TRPM7: variants seen among roughly 807,000 people sequenced by gnomAD.
TRPM7 encodes LTRPC ion channel family member 7.
Under a neutral mutation model 229.7 loss-of-function variants are expected in TRPM7, and 134 were observed. The observed-to-expected ratio is 0.58, with a 90% CI of 0.51 to 0.67. The LOEUF is 0.67. Among genes scored for constraint, TRPM7 ranks in the 30% least tolerant of loss-of-function variants. TRPM7 has a pLI of 0.00. For missense variants in TRPM7, 1,901 were observed against 2,210.0 expected (o/e 0.86, Z 2.80); for synonymous variants, 699 against 715.2 (o/e 0.98, Z 0.36).
chr15:50,669,529 C>T (rs1027218976), intron 1 of TRPM7, among the ~76,000 whole-genome samples: 10 of 152,084 alleles, frequency 6.6e-5, no homozygotes, highest in Non-Finnish European at 1.2e-4. Flanking sequence ...AAGCCAATTT[C>T]GAAAGCCTAT....
At position 50,632,943 on chromosome 15, in the gene TRPM7, T is replaced by G; in HGVS notation, c.1057A>C (p.Thr353Pro). The change falls in exon 9 of 39, where the codon ACA becomes CCA. Residue 353 changes from threonine (T) to proline (P), a missense_variant. Coordinates refer to ENST00000646667, the MANE Select transcript of TRPM7 (RefSeq NM_017672.6). ...GCTTCATTCTGGCCAAAGTTAAATG[T>G]TTTTTTGATAGTGGAAATAATATCG... ...EPDIISTIKK[T>P]FNFGQNEALH... The G allele has an allele frequency of 1.2e-6, 2 of 1,604,912 alleles. No individual in the cohort carries two copies. The highest frequency in any genetic ancestry group is 1.7e-6 in the Non-Finnish European group (2 of 1,176,496).
rs2060132861 is a variant in TRPM7, at chr15:50,613,792, T to C, written c.1685A>G (p.His562Arg). 2.5e-6 allele frequency: 4 copies of C among 1,613,986 alleles called. No individual in the cohort carries two copies. Among genetic ancestry groups the C allele is most frequent in the Admixed American group, 1.7e-5 (1 of 59,978 alleles). The stretch of plus-strand genomic sequence containing the variant: ...ATCTGCCCTATTGCCAAAAGATTCA[T>C]GACTCTTTCGCAACTGAGGAGTGCT... ...SSSTPQLRKS[H>R]ESFGNRADKK... Residue 562 changes from histidine (H) to arginine (R), a missense_variant, in exon 15 of 39, where the codon CAT becomes CGT. Transcript: ENST00000646667.
At chr15:50,585,391 C>T (rs1244071463) in intron 28 of TRPM7, among the ~76,000 whole-genome samples, 1 of 152,178 alleles carries the variant, frequency 6.6e-6, no homozygotes, top group Non-Finnish European at 1.5e-5. Context: ...CTTTACTGCT[C>T]TGGCTAGAAT....
Position 50,561,492 on chromosome 15 carries a change from C to T in TRPM7, c.*186G>A. ...AAAATTTCTCAGCTGCCAGCTCTAT[C>T]CTATAGGGACTTTCTGACTGATTAA... is the stretch of plus-strand genomic sequence containing the variant. On this transcript the variant is annotated 3_prime_UTR_variant, in exon 39 of 39. Transcript: ENST00000646667. 1.7e-6 allele frequency: 1 copy of T among 587,560 alleles called. No individual in the cohort carries two copies. Among genetic ancestry groups the T allele is most frequent in the Non-Finnish European group, 2.9e-6 (1 of 349,730 alleles). The allele number at this position is 587,560 out of a possible 1,614,324, so 36.4% of individuals were successfully genotyped here.
intron 1 of TRPM7, among the ~76,000 whole-genome samples, chr15:50,670,997 T>C (rs879361980): frequency 3.3e-5 from 5 of 152,158 alleles, no homozygotes; most frequent in Non-Finnish European, 7.3e-5. Context: ...GGGGCTACTA[T>C]ACATTGCGGA....
chr15:50,637,359 G>GA, intron 7 of TRPM7, 63 bp downstream of exon 7: 1 of 1,458,654 alleles, frequency 6.9e-7, no homozygotes, highest in South Asian at 1.3e-5. Flanking sequence ...TACTTTCTTT[G>GA]AATTTGGCTA....
intron 3 of TRPM7, among the ~76,000 whole-genome samples, chr15:50,656,011 A>T (rs1004755893): frequency 2.4e-5 from 1 of 41,582 alleles, no homozygotes; most frequent in Non-Finnish European, 7.5e-5. Flanking sequence ...GAAAAAAACA[A>T]AAAAAAAAAA....
At chr15:50,673,033 G>C (rs2062024567) in intron 1 of TRPM7, among the ~76,000 whole-genome samples, 1 of 150,694 alleles carries the variant, frequency 6.6e-6, no homozygotes, top group Non-Finnish European at 1.5e-5. Context: ...TTACAAATCT[G>C]TTAAATTAAA....
chr15:50,658,781 G>C (rs1322395291), intron 2 of TRPM7, among the ~76,000 whole-genome samples: 1 of 152,150 alleles, frequency 6.6e-6, no homozygotes, highest in Non-Finnish European at 1.5e-5. Flanking sequence ...AATTGTACAA[G>C]GTCGTTGACT....
intron 1 of TRPM7, among the ~76,000 whole-genome samples, chr15:50,681,350 G>A (rs981832814): frequency 6.6e-6 from 1 of 151,768 alleles, no homozygotes; most frequent in Non-Finnish European, 1.5e-5. Flanking sequence ...ATGCAAAAAT[G>A]TGCCTAAAGC....
intron 36 of TRPM7, among the ~76,000 whole-genome samples, chr15:50,570,426 C>G (rs1166815890): frequency 1.3e-5 from 2 of 152,120 alleles, no homozygotes; most frequent in Non-Finnish European, 2.9e-5. Context: ...GTTCCTTATC[C>G]TACAGCACCA....
chr15:50,606,912 T>G (rs2059931998), intron 20 of TRPM7, among the ~76,000 whole-genome samples: 7 of 152,184 alleles, frequency 4.6e-5, no homozygotes, highest in Admixed American at 4.6e-4. Context: ...AGCAAAAATG[T>G]GAATGTTCAG....
chr15:50,587,984 G>A (rs1428824648), intron 27 of TRPM7, among the ~76,000 whole-genome samples: 1 of 151,682 alleles, frequency 6.6e-6, no homozygotes, highest in African/African-American at 2.4e-5. Context: ...TCTTTTTATC[G>A]TGTGTCAGCT....
rs2062370154 is a variant in TRPM7, at chr15:50,686,796, A to C, written c.-263T>G. On this transcript the variant is annotated 5_prime_UTR_variant, in exon 1 of 39. Transcript: ENST00000646667. Reference sequence around the variant, plus strand: ...GCCTCCGCCGGCGACGGGGCTGGGGACGGACCACGTGAGCGGCGCGGCGCG... The same window carrying C: ...GCCTCCGCCGGCGACGGGGCTGGGGCCGGACCACGTGAGCGGCGCGGCGCG... The C allele has an allele frequency of 2.8e-6, 1 of 357,596 alleles. No individual in the cohort carries two copies. Among genetic ancestry groups the C allele is most frequent in the Admixed American group, 4.9e-5 (1 of 20,554 alleles). The allele number at this position is 357,596 out of a possible 1,614,324, so 22.2% of individuals were successfully genotyped here.
At chr15:50,648,907 A>G (rs938180718) in intron 3 of TRPM7, 22 bp from the exon 4 acceptor site, 10 of 1,570,946 alleles carry the variant, frequency 6.4e-6, no homozygotes, top group African/African-American at 1.4e-5. Flanking sequence ...AGGTGAGATT[A>G]AAACACCCTT....
intron 28 of TRPM7, 49 bp from the exon 29 acceptor site, chr15:50,583,208 T>C (rs1266841418): frequency 1.5e-6 from 2 of 1,379,122 alleles, no homozygotes; most frequent in Admixed American, 1.9e-5. Context: ...TGAAGTTTTA[T>C]GAATACCAAC....
Position 50,652,437 on chromosome 15 carries a change from T to C in TRPM7, c.123-3552A>G, listed in dbSNP as rs142318336. On this transcript the variant is annotated intron_variant, in intron 3 of 38. Transcript: ENST00000646667. ...CTTGTCATTGAAAAGATAAATAAAA[T>C]TGATAAACTGAAGTCAGAATAATGA... Among the ~76,000 whole-genome samples the C allele has an allele frequency of 9.8e-4, 137 of 140,090 alleles. 1 individual carries two copies. The highest frequency in any genetic ancestry group is 3.5e-3 in the African/African-American group (132 of 37,388). The allele number at this position is 140,090 out of a possible 152,430, so 91.9% of individuals were successfully genotyped here.
chr15:50,667,638 T>G (rs1203289725), intron 1 of TRPM7, among the ~76,000 whole-genome samples: 1 of 151,930 alleles, frequency 6.6e-6, no homozygotes, highest in Non-Finnish European at 1.5e-5. Context: ...ACCCAGGAGG[T>G]GGAGGTAACA....
Position 50,574,289 on chromosome 15 carries a change from C to G in TRPM7, c.5293G>C (p.Val1765Leu). The G allele has an allele frequency of 6.2e-7, 1 of 1,613,570 alleles. No individual in the cohort carries two copies. The highest frequency in any genetic ancestry group is 8.5e-7 in the Non-Finnish European group (1 of 1,179,640). Residue 1765 changes from valine (V) to leucine (L), a missense_variant, in exon 36 of 39, where the codon GTA (valine) becomes CTA (leucine). Val to Leu is a conservative substitution (Grantham distance 32). Coordinates refer to ENST00000646667, the MANE Select transcript of TRPM7 (RefSeq NM_017672.6). The part of the protein sequence containing the change: ...TYEYTRGELL[V>L]LDLQGVGENL... ...ATAAATTTACCTTGCAAATCAAGTA[C>G]CAGTAACTCCCCTCTTGTATATTCG...
Sources: gnomAD v4.1 joint callset for allele counts (sites outside exome capture counted in the v4.1 genomes callset) on GRCh38, gnomAD v4.1.1 for gene constraint, MANE v1.5 for transcripts, NCBI Gene and HGNC (gene_info 2026-07-23, HGNC 2026-07-21) for gene names.